SIN3A: variants seen among roughly 807,000 people sequenced by gnomAD.
The protein encoded by SIN3A is SIN3 transcription regulator family member A.
In SIN3A, 14 loss-of-function variants were observed where a neutral mutation model predicts 146.1. The observed-to-expected ratio is 0.10, with a 90% CI of 0.06 to 0.15. The LOEUF (loss-of-function observed/expected upper bound fraction) is 0.15. Ranked by LOEUF, SIN3A falls within the 10% of genes least tolerant of loss-of-function variation. The pLI is 1.00. For synonymous variants in SIN3A, 572 were observed against 572.0 expected, an observed-to-expected ratio of 1.00 and a Z score of 0.00; for missense variants, 1,028 against 1,576.0, an observed-to-expected ratio of 0.65 and a Z score of 5.89.
intron 1 of SIN3A, among the ~76,000 whole-genome samples, chr15:75,444,364 C>T (rs1260481510): frequency 1.3e-5 from 2 of 152,180 alleles, no homozygotes; most frequent in African/African-American, 4.8e-5. Context: ...CCAGTTGAAC[C>T]CAGGAGGCGG....
chr15:75,447,714 C>G (rs1305811015), intron 1 of SIN3A: 1 of 152,126 alleles, frequency 6.6e-6, no homozygotes, highest in Non-Finnish European at 1.5e-5. Context: ...TGCATATCCT[C>G]CAATAGCCCA....
chr15:75,422,738 T>A lies in SIN3A; in HGVS notation c.275A>T (p.Gln92Leu). 6.2e-7 allele frequency: 1 copy of A among 1,614,216 alleles called. No homozygotes were observed. The highest frequency in any genetic ancestry group is 8.5e-7 in the Non-Finnish European group (1 of 1,180,024). The change falls in exon 3 of 21, where the codon CAG becomes CTG. Residue 92 changes from glutamine to leucine, a missense_variant. Transcript: ENST00000394947. ...CTGGACCACCTGGCCTCCGTGGGGC[T>A]GCACCGCTGTTGGGTGATGATGGCT... ...HSSHHHPTAV[Q>L]PHGGQVVQSH...
At chr15:75,447,724 A>G (rs759859043) in intron 1 of SIN3A, 17 of 152,310 alleles carry the variant, frequency 1.1e-4, no homozygotes, top group East Asian at 3.9e-4. Context: ...CCAATAGCCC[A>G]TATGTCAGCA....
At chr15:75,414,063 T>C in intron 4 of SIN3A, 142 bp downstream of exon 4, 1 of 402,890 alleles carries the variant, frequency 2.5e-6, no homozygotes, top group Non-Finnish European at 4.4e-6. Flanking sequence ...TCAATAAAGG[T>C]ATGCATAAAA....
At chr15:75,377,667 C>T (rs2072888268) in intron 19 of SIN3A, among the ~76,000 whole-genome samples, 2 of 151,546 alleles carry the variant, frequency 1.3e-5, no homozygotes, top group South Asian at 2.1e-4. Flanking sequence ...GAAGCAGTAA[C>T]ATTTTCTATT....
rs1461966773 is a variant in SIN3A, at chr15:75,370,322, G to A, written c.*1657C>T. ...AAAAAATTTTGTTTTTCTTTTTGGT[G>A]GTGGTGGTGATTTTTAACTAAAAAG... On this transcript the variant is annotated 3_prime_UTR_variant, in exon 21 of 21. Coordinates refer to ENST00000394947, the MANE Select transcript of SIN3A (RefSeq NM_001145358.2). 2.6e-5 allele frequency: 4 copies of A among 152,232 alleles called. No homozygotes were observed. In the East Asian group the frequency reaches 5.8e-4, roughly 22 times the overall value. The allele number at this position is 152,232 out of a possible 1,614,324, so 9.4% of individuals were successfully genotyped here.
At chr15:75,391,453 A>C (rs1229030699) in intron 15 of SIN3A, among the ~76,000 whole-genome samples, 3 of 152,004 alleles carry the variant, frequency 2.0e-5, no homozygotes, top group Non-Finnish European at 2.9e-5. Context: ...TAGCTCCTCA[A>C]CAGATAGAAA....
chr15:75,449,809 T>G (rs550799492), intron 1 of SIN3A, among the ~76,000 whole-genome samples: 1 of 152,332 alleles, frequency 6.6e-6, no homozygotes, highest in South Asian at 2.1e-4. Context: ...AGGCGGAGTT[T>G]TGCTCCTGTC....
At chr15:75,423,454 G>A (rs1487477872) in intron 2 of SIN3A, among the ~76,000 whole-genome samples, 3 of 151,978 alleles carry the variant, frequency 2.0e-5, no homozygotes, top group East Asian at 1.9e-4. Flanking sequence ...CAATGCAGGC[G>A]GATCACGAGG....
chr15:75,382,666 G>T (rs1307130576), intron 17 of SIN3A, among the ~76,000 whole-genome samples: 4 of 152,194 alleles, frequency 2.6e-5, no homozygotes, highest in South Asian at 2.1e-4. Flanking sequence ...ACCATTTCCG[G>T]TCAGATGCAG....
chr15:75,376,472 G>A (rs2072857138), intron 19 of SIN3A: 1 of 154,402 alleles, frequency 6.5e-6, no homozygotes, highest in Admixed American at 6.4e-5. Flanking sequence ...CACATGAATG[G>A]ATGCCCTGAG....
At chr15:75,400,707 A>G in intron 11 of SIN3A, 23 bp downstream of exon 11, 1 of 1,598,398 alleles carries the variant, frequency 6.3e-7, no homozygotes, top group Non-Finnish European at 8.6e-7. Context: ...CCCAGGGCTG[A>G]TCTTTGCTAG....
intron 1 of SIN3A, among the ~76,000 whole-genome samples, chr15:75,449,977 G>A (rs1271723139): frequency 2.0e-5 from 3 of 151,834 alleles, no homozygotes; most frequent in African/African-American, 4.8e-5. Flanking sequence ...ACAGGGTTTC[G>A]CCATGTAAGC....
chr15:75,410,209 A>C lies in SIN3A; in HGVS notation c.1086T>G (p.Val362=). The C allele has an allele frequency of 6.2e-7, 1 of 1,614,106 alleles. No individual in the cohort carries two copies. Among genetic ancestry groups the C allele is most frequent in the South Asian group, 1.1e-5 (1 of 91,080 alleles). The change falls in exon 7 of 21, where the codon GTT becomes GTG. Residue 362 remains valine (V), a synonymous_variant. Coordinates refer to ENST00000394947, the MANE Select transcript of SIN3A (RefSeq NM_001145358.2). ...CTTCCTGGTTTTTAAAGAGACGAGC[A>C]ACCTGGGCATACACCTCCTGCTCTG... ...ALTEQEVYAQ[V]ARLFKNQEDL... is the part of the protein sequence containing the mutation.
chr15:75,431,375 G>T (rs1161524289), intron 1 of SIN3A, among the ~76,000 whole-genome samples: 2 of 152,126 alleles, frequency 1.3e-5, no homozygotes, highest in Non-Finnish European at 2.9e-5. Flanking sequence ...ACCTCCGTGG[G>T]AGACAATTTC....
intron 1 of SIN3A, among the ~76,000 whole-genome samples, chr15:75,451,157 G>A (rs2074399563): frequency 6.7e-6 from 1 of 148,730 alleles, no homozygotes; most frequent in Admixed American, 6.7e-5. Context: ...CTCCACAATC[G>A]CACGCGCGCG....
At chr15:75,413,113 C>T in intron 4 of SIN3A, 68 bp from the exon 5 acceptor site, 1 of 1,487,018 alleles carries the variant, frequency 6.7e-7, no homozygotes, top group Non-Finnish European at 9.1e-7. Context: ...GAAAAAATTT[C>T]ATGTTTTTTT....
intron 20 of SIN3A, among the ~76,000 whole-genome samples, chr15:75,374,670 G>T (rs1230071515): frequency 6.6e-6 from 1 of 152,216 alleles, no homozygotes; most frequent in Non-Finnish European, 1.5e-5. Flanking sequence ...AGCCACAATG[G>T]TGTTTGTAAT....
intron 8 of SIN3A, among the ~76,000 whole-genome samples, chr15:75,409,492 C>T (rs767658114): frequency 1.3e-5 from 2 of 151,638 alleles, no homozygotes; most frequent in African/African-American, 4.8e-5. Flanking sequence ...TTTGGGAGGC[C>T]GAGGCGGGCA....
Sources: gnomAD v4.1 joint callset for allele counts (sites outside exome capture counted in the v4.1 genomes callset) on GRCh38, gnomAD v4.1.1 for gene constraint, MANE v1.5 for transcripts, NCBI Gene and HGNC (gene_info 2026-07-23, HGNC 2026-07-21) for gene names.